Variants in LARS2 observed in about 807,000 individuals in gnomAD.
LARS2 encodes leucine--tRNA ligase, mitochondrial.
In LARS2, 81 loss-of-function variants were observed where a neutral mutation model predicts 116.6. That is an observed-to-expected ratio of 0.69 (90% confidence interval 0.58 to 0.84). LARS2 has a LOEUF of 0.84. Ranked by LOEUF, LARS2 falls within the 40% of genes least tolerant of loss-of-function variation. LARS2 has a pLI of 0.00. For synonymous variants in LARS2, 396 were observed against 407.2 expected, an observed-to-expected ratio of 0.97 and a Z score of 0.33; for missense variants, 968 against 1,114.5, an observed-to-expected ratio of 0.87 and a Z score of 1.87.
chr3:45,415,860 AAT>A lies in LARS2; in HGVS notation c.364-1606_364-1605del, dbSNP rs1553627795. On this transcript the variant is annotated intron_variant, in intron 4 of 21. Coordinates refer to ENST00000645846, the MANE Select transcript of LARS2 (RefSeq NM_015340.4). Reference sequence around the variant, plus strand: ...AAGACTCCATCTCAAAAAAAAAAAAAATATATATATATATATAGAGAGAGAGA... The same window carrying A: ...AAGACTCCATCTCAAAAAAAAAAAAAATATATATATATATAGAGAGAGAGA... Among the ~76,000 whole-genome samples, 60 of 92,758 alleles carry A rather than the reference AAT, an allele frequency of 6.5e-4. 1 individual carries two copies. Among genetic ancestry groups the A allele is most frequent in the Middle Eastern group, 0.011 (2 of 180 alleles). 60.9% of individuals were successfully genotyped at this position (92,758 alleles called of 152,430 possible).
intron 8 of LARS2, among the ~76,000 whole-genome samples, chr3:45,463,579 T>C (rs962502812): frequency 3.3e-5 from 5 of 152,140 alleles, no homozygotes; most frequent in Non-Finnish European, 7.4e-5. Flanking sequence ...CTGAGGCTCA[T>C]ACTAGTAATA....
intron 3 of LARS2, 76 bp downstream of exon 3, chr3:45,394,763 T>G: frequency 1.1e-6 from 1 of 935,508 alleles, no homozygotes; most frequent in Non-Finnish European, 1.7e-6. Context: ...GACTACCTGG[T>G]TCAAATAAGA....
At chr3:45,528,730 C>T (rs1180523488) in intron 20 of LARS2, among the ~76,000 whole-genome samples, 1 of 152,096 alleles carries the variant, frequency 6.6e-6, no homozygotes, top group East Asian at 1.9e-4. Flanking sequence ...GAGATTAATC[C>T]ATGTTCTGTT....
At position 45,496,256 on chromosome 3, in the gene LARS2, A is replaced by G. The variant is rs767452702; in HGVS notation, c.1524-19A>G. The G allele has an allele frequency of 3.8e-6, 6 of 1,567,994 alleles. No homozygotes were observed. The highest frequency in any genetic ancestry group is 1.4e-5 in the African/African-American group (1 of 74,024). ...AAATTTAAAAAGAAACCAATTGATG[A>G]ATTTCATTTCTTTCTTAGGTGCAAG... On this transcript the variant is annotated intron_variant, in intron 13 of 21. Coordinates refer to ENST00000645846, the MANE Select transcript of LARS2 (RefSeq NM_015340.4).
At chr3:45,487,703 A>C (rs1183897269) in intron 11 of LARS2, among the ~76,000 whole-genome samples, 1 of 152,156 alleles carries the variant, frequency 6.6e-6, no homozygotes, top group African/African-American at 2.4e-5. Context: ...CAGCCCCCGC[A>C]ACAAAGTCCA....
At chr3:45,539,159 C>T (rs566428559) in intron 20 of LARS2, among the ~76,000 whole-genome samples, 3 of 150,800 alleles carry the variant, frequency 2.0e-5, no homozygotes, top group South Asian at 2.1e-4. Flanking sequence ...TCACAGTAAA[C>T]ACAAAAGAAA....
intron 6 of LARS2, among the ~76,000 whole-genome samples, chr3:45,435,815 G>T (rs1445943115): frequency 6.6e-6 from 1 of 152,110 alleles, no homozygotes; most frequent in Non-Finnish European, 1.5e-5. Context: ...TCACTGTTTA[G>T]AGTCTTATGT....
chr3:45,414,682 G>A (rs1484081475), intron 4 of LARS2, among the ~76,000 whole-genome samples: 3 of 151,764 alleles, frequency 2.0e-5, no homozygotes, highest in Non-Finnish European at 2.9e-5. Flanking sequence ...TGAACTGATC[G>A]TGGCGCCACT....
At chr3:45,515,791 TATAA>T (rs1700361644) in intron 16 of LARS2, among the ~76,000 whole-genome samples, 1 of 152,234 alleles carries the variant, frequency 6.6e-6, no homozygotes. Context: ...CTTTTTTGTG[TATAA>T]ATAATTCACT....
chr3:45,452,966 A>G (rs1699157773), intron 7 of LARS2, among the ~76,000 whole-genome samples: 1 of 152,188 alleles, frequency 6.6e-6, no homozygotes, highest in African/African-American at 2.4e-5. Context: ...ATAGTTGTTC[A>G]TAATAGTCTC....
Position 45,504,061 on chromosome 3 carries a change from G to A in LARS2, c.1760+3482G>A, listed in dbSNP as rs1307594048. ...GTAGCTTGGTGGTCTTTCCATATCA[G>A]CACAAACAGATATCACATTCTTTTT... is the stretch of plus-strand genomic sequence containing the variant. On this transcript the variant is annotated intron_variant, in intron 15 of 21. Transcript: ENST00000645846. Among the ~76,000 whole-genome samples the A allele has an allele frequency of 4.6e-5, 7 of 151,974 alleles. 1 individual carries two copies. The highest frequency in any genetic ancestry group is 1.0e-4 in the Non-Finnish European group (7 of 67,976).
At chr3:45,458,947 G>A (rs750718459) in intron 8 of LARS2, 61 bp downstream of exon 8, 2 of 1,559,312 alleles carry the variant, frequency 1.3e-6, no homozygotes, top group Non-Finnish European at 1.8e-6. Flanking sequence ...AACACCAAAG[G>A]CTTCTGGGTA....
intron 17 of LARS2, 151 bp downstream of exon 17, chr3:45,516,427 T>A (rs1030692504): frequency 1.4e-6 from 1 of 693,122 alleles, no homozygotes; most frequent in Admixed American, 2.8e-5. Context: ...ACCAGCATCC[T>A]GCACCACTCT....
intron 6 of LARS2, among the ~76,000 whole-genome samples, chr3:45,440,676 T>C (rs1394433408): frequency 6.6e-6 from 1 of 152,180 alleles, no homozygotes; most frequent in Non-Finnish European, 1.5e-5. Context: ...TGAGCTGTTC[T>C]GAAATCTAGG....
intron 8 of LARS2, among the ~76,000 whole-genome samples, chr3:45,473,163 G>A (rs1275578205): frequency 6.6e-6 from 1 of 152,190 alleles, no homozygotes; most frequent in Non-Finnish European, 1.5e-5. Flanking sequence ...ATTCAGATCA[G>A]GAGCACTGTG....
chr3:45,483,881 A>G (rs918953124), intron 10 of LARS2: 2 of 152,060 alleles, frequency 1.3e-5, no homozygotes, highest in Admixed American at 6.6e-5. Flanking sequence ...TTAGATGCCT[A>G]TAGAATCTGT....
intron 20 of LARS2, among the ~76,000 whole-genome samples, chr3:45,540,103 C>T (rs1335389159): frequency 6.6e-6 from 1 of 151,788 alleles, no homozygotes; most frequent in Non-Finnish European, 1.5e-5. Flanking sequence ...ACTAAAAATA[C>T]AAAAAATTAG....
chr3:45,498,251 C>T (rs1559488569), intron 14 of LARS2, among the ~76,000 whole-genome samples: 5 of 152,226 alleles, frequency 3.3e-5, no homozygotes, highest in African/African-American at 1.2e-4. Context: ...GTGAGCACTT[C>T]ATTTCCCTCA....
intron 3 of LARS2, among the ~76,000 whole-genome samples, chr3:45,396,939 G>C (rs1281718084): frequency 2.6e-5 from 4 of 152,152 alleles, no homozygotes; most frequent in African/African-American, 7.2e-5. Flanking sequence ...TTTGCCCAAG[G>C]CCTCACAGCT....
Sources: gnomAD v4.1 joint callset for allele counts (sites outside exome capture counted in the v4.1 genomes callset) on GRCh38, gnomAD v4.1.1 for gene constraint, MANE v1.5 for transcripts, NCBI Gene and HGNC (gene_info 2026-07-23, HGNC 2026-07-21) for gene names.